OSBPL9: variants seen among roughly 807,000 people sequenced by gnomAD.
OSBPL9 encodes the protein oxysterol binding protein like 9, also known as oxysterol-binding protein-related protein 9.
In OSBPL9, 40 loss-of-function variants were observed where a neutral mutation model predicts 106.6. The observed-to-expected ratio is 0.38, with a 90% CI of 0.29 to 0.49. OSBPL9 has a LOEUF of 0.49. OSBPL9 is among the 20% of genes least tolerant of loss of function. The probability of loss-of-function intolerance (pLI) is 0.97; values close to 1 mark genes in which losing one functional copy is unlikely to be tolerated. For synonymous variants in OSBPL9, 269 were observed against 295.4 expected (o/e 0.91, Z 0.92); for missense variants, 609 against 887.2 (o/e 0.69, Z 3.98).
chr1:51,712,886 C>T (rs1660345950), intron 3 of OSBPL9, among the ~76,000 whole-genome samples: 1 of 152,180 alleles, frequency 6.6e-6, no homozygotes, highest in African/African-American at 2.4e-5. Context: ...TTTTCATTTG[C>T]TTTTGCTAGT....
At chr1:51,629,915 C>T (rs1395574619) in intron 1 of OSBPL9, among the ~76,000 whole-genome samples, 1 of 151,694 alleles carries the variant, frequency 6.6e-6, no homozygotes, top group Non-Finnish European at 1.5e-5. Context: ...TGCCACTGCA[C>T]TCCAGCCTGG....
chr1:51,757,809 G>T (rs1441692463), intron 9 of OSBPL9, among the ~76,000 whole-genome samples: 18 of 152,068 alleles, frequency 1.2e-4, no homozygotes, highest in Non-Finnish European at 2.5e-4. Flanking sequence ...ACCTTTCTGA[G>T]TCTTAATTTC....
At chr1:51,747,414 AT>A (rs1418392055) in intron 6 of OSBPL9, among the ~76,000 whole-genome samples, 1 of 152,244 alleles carries the variant, frequency 6.6e-6, no homozygotes, top group Non-Finnish European at 1.5e-5. Flanking sequence ...TTCAGAATAA[AT>A]AAAAAGCCAT....
At position 51,619,663 on chromosome 1, in the gene OSBPL9, A is replaced by G. The variant is rs899991467; in HGVS notation, c.111+2442A>G. Among the ~76,000 whole-genome samples the G allele has an allele frequency of 2.0e-5, 3 of 152,332 alleles. No homozygotes were observed. The East Asian group carries it at 5.8e-4, about 29-fold the overall frequency. On this transcript the variant is annotated intron_variant, in intron 1 of 23. Transcript: ENST00000428468. Reference sequence around the variant, plus strand: ...TCTTGTGAAAATAAAATGATACCCAATCTCAAATTAGAGGAGGTCTAGTGA... The same window carrying G: ...TCTTGTGAAAATAAAATGATACCCAGTCTCAAATTAGAGGAGGTCTAGTGA...
chr1:51,533,743 C>T, the OSBPL9 span, among the ~76,000 whole-genome samples: 1 of 151,416 alleles, frequency 6.6e-6, no homozygotes, highest in Non-Finnish European at 1.5e-5. Context: ...GGAGCTATGG[C>T]AGGACATGAG....
chr1:51,771,944 C>A, intron 12 of OSBPL9, 126 bp from the exon 13 acceptor site: 1 of 653,698 alleles, frequency 1.5e-6, no homozygotes, highest in Non-Finnish European at 2.6e-6. Context: ...GACAAGAGAC[C>A]TTGTCATCAA....
chr1:51,681,724 C>T (rs1175215401), intron 3 of OSBPL9, among the ~76,000 whole-genome samples: 2 of 152,062 alleles, frequency 1.3e-5, no homozygotes, highest in Non-Finnish European at 2.9e-5. Flanking sequence ...AGGACCCCCA[C>T]TCCCCACCCC....
chr1:51,597,081 A>AGGCTCTTCTT (rs1264044764), intron 1 of OSBPL9, among the ~76,000 whole-genome samples: 16 of 152,182 alleles, frequency 1.1e-4, no homozygotes, highest in Non-Finnish European at 2.1e-4. Context: ...AGAGGCAACA[A>AGGCTCTTCTT]GTGCAAAGGC....
chr1:51,717,841 CA>C (rs1217700941), intron 4 of OSBPL9, among the ~76,000 whole-genome samples: 1 of 151,940 alleles, frequency 6.6e-6, no homozygotes, highest in Non-Finnish European at 1.5e-5. Flanking sequence ...CCATATAATC[CA>C]GCAATCCCAC....
At chr1:51,523,545 A>G in the OSBPL9 span, among the ~76,000 whole-genome samples, 2 of 152,160 alleles carry the variant, frequency 1.3e-5, no homozygotes, top group African/African-American at 4.8e-5. Context: ...ACACAATTAT[A>G]CACGGGTCTT....
chr1:51,731,888 C>T (rs576164189), intron 4 of OSBPL9, among the ~76,000 whole-genome samples: 22 of 152,220 alleles, frequency 1.4e-4, no homozygotes, highest in Middle Eastern at 3.4e-3. Flanking sequence ...TACAAAGTGC[C>T]CTGAGTTTGG....
chr1:51,781,463 T>G (rs1676370423), intron 16 of OSBPL9, 128 bp downstream of exon 16: 1 of 931,530 alleles, frequency 1.1e-6, no homozygotes. Flanking sequence ...GAAATTGTTG[T>G]TAGAGCAGCA....
At chr1:51,677,916 G>A (rs1651665343) in intron 3 of OSBPL9, among the ~76,000 whole-genome samples, 1 of 151,836 alleles carries the variant, frequency 6.6e-6, no homozygotes, top group South Asian at 2.1e-4. Flanking sequence ...GCTCACACCC[G>A]TAATCCCAGC....
chr1:51,634,023 A>G (rs1645271299), intron 1 of OSBPL9, among the ~76,000 whole-genome samples: 1 of 152,212 alleles, frequency 6.6e-6, no homozygotes, highest in Admixed American at 6.5e-5. Context: ...CCCATTCTAA[A>G]TTGGAGTCTA....
In OSBPL9 at chr1:51,701,096, C is replaced by T. The variant is rs111529946; in HGVS notation, c.242-12907C>T. Among the ~76,000 whole-genome samples, 1,095 of 152,154 alleles carry T rather than the reference C, an allele frequency of 7.2e-3. 10 individuals carry two copies. Among genetic ancestry groups the T allele is most frequent in the African/African-American group, 0.025 (1,048 of 41,502 alleles). ...CTGAGATTACAGGCACCCACCACCACGCCTGACTAATTTTTGTATTTTTAG... is the reference window on the plus strand; with the variant it reads ...CTGAGATTACAGGCACCCACCACCATGCCTGACTAATTTTTGTATTTTTAG... On this transcript the variant is annotated intron_variant, in intron 3 of 23. Coordinates refer to ENST00000428468, the MANE Select transcript of OSBPL9 (RefSeq NM_024586.6).
intron 20 of OSBPL9, 131 bp from the exon 21 acceptor site, chr1:51,785,677 G>T: frequency 1.4e-6 from 1 of 712,166 alleles, no homozygotes; most frequent in Non-Finnish European, 2.4e-6. Context: ...GTCCAGTTCT[G>T]TTAAGATGCT....
At chr1:51,608,291 T>A (rs1056223844) in intron 2 of OSBPL9, among the ~76,000 whole-genome samples, 1 of 152,170 alleles carries the variant, frequency 6.6e-6, no homozygotes, top group African/African-American at 2.4e-5. Flanking sequence ...ATTATTATTT[T>A]ATTTAATTAA....
the OSBPL9 span, among the ~76,000 whole-genome samples, chr1:51,540,045 A>G: frequency 1.3e-5 from 2 of 152,012 alleles, no homozygotes; most frequent in African/African-American, 4.8e-5. Flanking sequence ...GGCCTTAAAC[A>G]TCCTCTATCT....
intron 2 of OSBPL9, among the ~76,000 whole-genome samples, chr1:51,656,602 C>T (rs1325598107): frequency 6.6e-6 from 1 of 151,886 alleles, no homozygotes. Flanking sequence ...GTTTAATTCT[C>T]CCCTATCCTC....
Sources: gnomAD v4.1 joint callset for allele counts (sites outside exome capture counted in the v4.1 genomes callset) on GRCh38, gnomAD v4.1.1 for gene constraint, MANE v1.5 for transcripts, NCBI Gene and HGNC (gene_info 2026-07-23, HGNC 2026-07-21) for gene names.